Variants in RNGTT observed in about 807,000 individuals in gnomAD.
The protein encoded by RNGTT is RNA guanylyltransferase and 5'-phosphatase.
Under a neutral mutation model 79.3 loss-of-function variants are expected in RNGTT, and 33 were observed. The observed-to-expected ratio is 0.42, with a 90% CI of 0.32 to 0.56. The LOEUF is 0.56. Among genes scored for constraint, RNGTT ranks in the 20% least tolerant of loss-of-function variants. RNGTT has a pLI of 0.17. For synonymous variants in RNGTT, 222 were observed against 235.9 expected, an observed-to-expected ratio of 0.94 and a Z score of 0.54; for missense variants, 497 against 739.1, an observed-to-expected ratio of 0.67 and a Z score of 3.80.
chr6:88,620,935 C>T (rs910497675), intron 14 of RNGTT, among the ~76,000 whole-genome samples: 2 of 152,188 alleles, frequency 1.3e-5, no homozygotes, highest in African/African-American at 4.8e-5. Context: ...TGTAACAGGA[C>T]ATGTAGTTGT....
intron 2 of RNGTT, 37 bp downstream of exon 2, chr6:88,941,034 T>C (rs1193119306): frequency 8.0e-7 from 1 of 1,253,708 alleles, no homozygotes; most frequent in Non-Finnish European, 1.2e-6. Flanking sequence ...GAACAAAGTA[T>C]ATTAAATCAG....
At chr6:88,632,219 C>T (rs542120033) in intron 14 of RNGTT, among the ~76,000 whole-genome samples, 2 of 152,262 alleles carry the variant, frequency 1.3e-5, no homozygotes, top group Admixed American at 1.3e-4. Context: ...GCCTTAGCCT[C>T]CCAAAGTGCT....
intron 14 of RNGTT, among the ~76,000 whole-genome samples, chr6:88,619,884 A>C (rs1036294771): frequency 2.0e-5 from 3 of 152,224 alleles, no homozygotes; most frequent in Non-Finnish European, 2.9e-5. Flanking sequence ...GAATTATAAA[A>C]GTTTTCCACG....
At chr6:88,863,390 T>A (rs1281333352) in intron 8 of RNGTT, among the ~76,000 whole-genome samples, 2 of 152,336 alleles carry the variant, frequency 1.3e-5, no homozygotes, top group Non-Finnish European at 2.9e-5. Context: ...CAGTACTGGG[T>A]AAATTATGTC....
At chr6:88,737,212 T>C (rs1358973854) in intron 13 of RNGTT, among the ~76,000 whole-genome samples, 1 of 152,236 alleles carries the variant, frequency 6.6e-6, no homozygotes, top group Non-Finnish European at 1.5e-5. Flanking sequence ...GGTATGGCCA[T>C]AGACTGATTT....
intron 1 of RNGTT, among the ~76,000 whole-genome samples, chr6:88,955,581 T>C (rs950689342): frequency 1.7e-4 from 24 of 140,574 alleles, no homozygotes; most frequent in African/African-American, 6.0e-4. Context: ...CACCAAAACA[T>C]CTGAAGGAGC....
intron 14 of RNGTT, among the ~76,000 whole-genome samples, chr6:88,624,143 T>C (rs146920452): frequency 6.6e-6 from 1 of 152,010 alleles, no homozygotes; most frequent in African/African-American, 2.4e-5. Flanking sequence ...GATTGAAAGA[T>C]TCAATATTGT....
At chr6:88,764,631 T>C (rs1778389898) in intron 13 of RNGTT, among the ~76,000 whole-genome samples, 1 of 152,222 alleles carries the variant, frequency 6.6e-6, no homozygotes, top group African/African-American at 2.4e-5. Flanking sequence ...TATTTGTTTG[T>C]ATATACATTC....
intron 10 of RNGTT, among the ~76,000 whole-genome samples, chr6:88,848,801 G>C (rs889929624): frequency 6.6e-6 from 1 of 151,918 alleles, no homozygotes; most frequent in Admixed American, 6.6e-5. Flanking sequence ...ACTTCTATTG[G>C]ATTCGTAATG....
intron 8 of RNGTT, among the ~76,000 whole-genome samples, chr6:88,881,858 C>G (rs1019604370): frequency 1.2e-4 from 18 of 152,328 alleles, no homozygotes; most frequent in African/African-American, 4.3e-4. Flanking sequence ...AAACTGAGAA[C>G]ATCCCAACCC....
chr6:88,738,116 T>A (rs760235604), intron 13 of RNGTT, among the ~76,000 whole-genome samples: 1 of 152,172 alleles, frequency 6.6e-6, no homozygotes. Flanking sequence ...GTTCATAGTA[T>A]GTACTCTTGA....
chr6:88,825,338 A>G (rs1406331125), intron 11 of RNGTT, among the ~76,000 whole-genome samples: 2 of 152,200 alleles, frequency 1.3e-5, no homozygotes, highest in Admixed American at 6.5e-5. Context: ...TGCCTACCAC[A>G]TGGGTGGAGG....
chr6:88,685,254 C>T (rs547400241), intron 13 of RNGTT, among the ~76,000 whole-genome samples: 22 of 152,194 alleles, frequency 1.4e-4, no homozygotes, highest in African/African-American at 5.3e-4. Context: ...ATCCATAGCA[C>T]TATAAAACAC....
chr6:88,839,094 C>A (rs2127896246), intron 11 of RNGTT, among the ~76,000 whole-genome samples: 1 of 150,964 alleles, frequency 6.6e-6, no homozygotes, highest in East Asian at 1.9e-4. Context: ...TAAAAATAAC[C>A]CAAATGTCTA....
intron 12 of RNGTT, among the ~76,000 whole-genome samples, chr6:88,774,491 A>C (rs929459480): frequency 1.3e-5 from 2 of 152,180 alleles, no homozygotes; most frequent in African/African-American, 2.4e-5. Context: ...CAAAAACCTG[A>C]AAACAGCTAC....
intron 13 of RNGTT, among the ~76,000 whole-genome samples, chr6:88,712,283 G>A (rs1052332239): frequency 3.3e-5 from 5 of 152,052 alleles, no homozygotes; most frequent in Non-Finnish European, 5.9e-5. Context: ...ATTTGGACTC[G>A]GGAAATAAAA....
intron 14 of RNGTT, among the ~76,000 whole-genome samples, chr6:88,653,963 T>C (rs183503945): frequency 6.6e-6 from 1 of 152,336 alleles, no homozygotes; most frequent in East Asian, 1.9e-4. Context: ...TTCTGTTTTG[T>C]CAATAATGCT....
chr6:88,814,237 T>A (rs1041721766), intron 11 of RNGTT, among the ~76,000 whole-genome samples: 1 of 152,206 alleles, frequency 6.6e-6, no homozygotes, highest in Non-Finnish European at 1.5e-5. Flanking sequence ...CTTTATTACC[T>A]ATATATATCT....
At chr6:88,867,645 G>C (rs1413475876) in intron 8 of RNGTT, among the ~76,000 whole-genome samples, 2 of 152,264 alleles carry the variant, frequency 1.3e-5, no homozygotes, top group African/African-American at 4.8e-5. Flanking sequence ...CTTAGCTATA[G>C]AAATGTGCTT....
Sources: allele counts gnomAD v4.1 joint callset (sites outside exome capture counted in the v4.1 genomes callset), GRCh38; gene constraint gnomAD v4.1.1; transcripts MANE v1.5; gene names NCBI Gene and HGNC (gene_info 2026-07-23, HGNC 2026-07-21).